Variants in UMODL1 observed in about 807,000 individuals in gnomAD.
The protein encoded by UMODL1 is uromodulin-like 1.
A neutral mutation model predicts 136.3 loss-of-function variants in UMODL1; 128 were observed. The ratio of observed to expected loss-of-function variants is 0.94; its 90% confidence interval spans 0.81 to 1.09. The LOEUF is 1.09. UMODL1 is among the 50% of genes least tolerant of loss of function. UMODL1 has a pLI of 0.00. For synonymous variants in UMODL1, 721 were observed against 720.0 expected (o/e 1.00, Z -0.02); for missense variants, 1,766 against 1,725.6 (o/e 1.02, Z -0.41).
At chr21:42,120,782 G>A (rs1223436720) in intron 15 of UMODL1, 12 of 256,240 alleles carry the variant, frequency 4.7e-5, no homozygotes, top group Non-Finnish European at 1.5e-5. Context: ...GGTGGATCTG[G>A]GGGCCTGTGC....
Position 42,113,592 on chromosome 21 carries a change from G to C in UMODL1, c.2124G>C (p.Arg708Ser), listed in dbSNP as rs2066864707. 6.2e-7 allele frequency: 1 copy of C among 1,613,708 alleles called. No individual in the cohort carries two copies. The highest frequency in any genetic ancestry group is 8.5e-7 in the Non-Finnish European group (1 of 1,179,856). ...TPACVPVSIGRIMVSNVTSTG... is the reference protein window; with the variant it reads ...TPACVPVSIGSIMVSNVTSTG... Reference sequence around the variant, plus strand: ...TCCCAGTTCCTGTCTCCATTGGGAGGATCATGGTCTCCAATGTGACCAGCA... The same window carrying C: ...TCCCAGTTCCTGTCTCCATTGGGAGCATCATGGTCTCCAATGTGACCAGCA... The change falls in exon 13 of 23, where the codon AGG (arginine) becomes AGC (serine). Residue 708 changes from arginine (R) to serine (S), a missense_variant. By Grantham distance (110) the Arg-to-Ser change is moderately radical. Transcript: ENST00000408910.
chr21:42,114,259 C>G (rs1003331626), intron 13 of UMODL1, among the ~76,000 whole-genome samples: 3 of 152,220 alleles, frequency 2.0e-5, no homozygotes, highest in African/African-American at 7.2e-5. Context: ...CTGTGAGCAG[C>G]CTGCCAGAGC....
In UMODL1 at chr21:42,076,240, T is replaced by G. The variant is rs777024002; in HGVS notation, c.312T>G (p.Cys104Trp). 8.1e-6 allele frequency: 13 copies of G among 1,613,990 alleles called. No homozygotes were observed. Residue 104 changes from cysteine (C) to tryptophan (W), a missense_variant, in exon 2 of 23, where the codon TGT becomes TGG. Cys to Trp is a radical substitution (Grantham distance 215). Transcript: ENST00000408910. ...CEGYEQLGLY[C>W]VLPLNQSGQF... ...GCTATGAACAGCTCGGCCTCTACTG[T>G]GTCTTGCGTGAGTCCAGGGCTGCTG...
At chr21:42,108,968 A>G (rs35171037) in intron 9 of UMODL1, among the ~76,000 whole-genome samples, 19,787 of 82,730 alleles carry the variant, frequency 0.24, 3,961 homozygotes, top group African/African-American at 0.32. Flanking sequence ...CACTCCTGGC[A>G]TGTAAAGCTG....
chr21:42,070,878 T>A (rs220272), upstream of UMODL1, among the ~76,000 whole-genome samples: 127,253 of 152,224 alleles, frequency 0.84, 53,326 homozygotes, highest in Admixed American at 0.9. Context: ...AACGTGATGT[T>A]CCACTTTGAT....
At chr21:42,091,379 C>T (rs565280762) in intron 6 of UMODL1, among the ~76,000 whole-genome samples, 49 of 152,200 alleles carry the variant, frequency 3.2e-4, no homozygotes, top group Non-Finnish European at 4.6e-4. Flanking sequence ...TGTAGATAAA[C>T]GTGCCCAGGT....
intron 5 of UMODL1, among the ~76,000 whole-genome samples, chr21:42,089,929 T>C (rs1025070281): frequency 1.3e-5 from 2 of 152,222 alleles, no homozygotes; most frequent in Non-Finnish European, 2.9e-5. Flanking sequence ...CTGGGTTTCC[T>C]TGTTGGCGCA....
At position 42,123,324 on chromosome 21, in the gene UMODL1, C is replaced by T. The variant is rs894792913; in HGVS notation, c.3147+174C>T. On this transcript the variant is annotated intron_variant, in intron 17 of 22. Coordinates refer to ENST00000408910, the MANE Select transcript of UMODL1 (RefSeq NM_001004416.3). The surrounding 1 kb of genome is among the most constrained non-coding windows in gnomAD (Gnocchi z 4.4). ...CAGGGACCAGCCTGCACCCCAGAAT[C>T]GGAAGGGAGCTGTGAGTCCACCCAG... 4.6e-5 allele frequency among the ~76,000 whole-genome samples: 7 copies of T among 152,172 alleles called. No homozygotes were observed. The highest frequency in any genetic ancestry group is 1.3e-4 in the Admixed American group (2 of 15,280).
At position 42,122,282 on chromosome 21, in the gene UMODL1, C is replaced by T. The variant is rs1427470333; in HGVS notation, c.2828-549C>T. ...GTGGATTGGAAAGCTTTCCGGGCCCCTTGTTCTCCTAGGCATTGAAACTGA... is the reference window on the plus strand; with the variant it reads ...GTGGATTGGAAAGCTTTCCGGGCCCTTTGTTCTCCTAGGCATTGAAACTGA... On this transcript the variant is annotated intron_variant, in intron 16 of 22. Coordinates refer to ENST00000408910, the MANE Select transcript of UMODL1 (RefSeq NM_001004416.3). This position sits in a 1 kb window ranked among gnomAD's most constrained non-coding sequence, Gnocchi z 4.3. Among the ~76,000 whole-genome samples, 1 of 152,084 alleles carries T rather than the reference C, an allele frequency of 6.6e-6. No individual in the cohort carries two copies. The highest frequency in any genetic ancestry group is 1.9e-4 in the East Asian group (1 of 5,174).
chr21:42,137,869 G>A (rs1444810855), intron 22 of UMODL1, among the ~76,000 whole-genome samples: 1 of 152,104 alleles, frequency 6.6e-6, no homozygotes, highest in African/African-American at 2.4e-5. Context: ...TGATGGGGAC[G>A]GCCAGCAGGA....
At chr21:42,111,186 AG>A (rs769970152) in intron 11 of UMODL1, 65 bp downstream of exon 11, 1 of 1,551,028 alleles carries the variant, frequency 6.4e-7, no homozygotes, top group South Asian at 1.2e-5. Flanking sequence ...AACCCCAGCC[AG>A]GGGAGCCCCA....
intron 2 of UMODL1, among the ~76,000 whole-genome samples, chr21:42,077,027 GTGTGTGT>G (rs2066301784): frequency 7.9e-6 from 1 of 126,752 alleles, no homozygotes; most frequent in Admixed American, 7.2e-5. Flanking sequence ...GTGTGTGTGT[GTGTGTGT>G]GTGTGTGTGT....
Position 42,122,716 on chromosome 21 carries a change from C to T in UMODL1, c.2828-115C>T. 2.8e-6 allele frequency: 3 copies of T among 1,055,990 alleles called. No homozygotes were observed. Among genetic ancestry groups the T allele is most frequent in the Non-Finnish European group, 4.0e-6 (3 of 750,098 alleles). The allele number at this position is 1,055,990 out of a possible 1,614,324, so 65.4% of individuals were successfully genotyped here. ...AGTTGTGGCTGGAACATGCGGTTCCCAGGTGTGGCTGCTGCAGAGTGCAGG... is the reference window on the plus strand; with the variant it reads ...AGTTGTGGCTGGAACATGCGGTTCCTAGGTGTGGCTGCTGCAGAGTGCAGG... On this transcript the variant is annotated intron_variant, in intron 16 of 22. Transcript: ENST00000408910. This position sits in a 1 kb window ranked among gnomAD's most constrained non-coding sequence, Gnocchi z 4.3.
rs373482354 is a variant in UMODL1 at position 42,137,640 on chromosome 21, A to G, written c.*20A>G. 9.0e-7 allele frequency: 1 copy of G among 1,115,424 alleles called. No homozygotes were observed. Among genetic ancestry groups the G allele is most frequent in the Non-Finnish European group, 1.2e-6 (1 of 842,046 alleles). The allele number at this position is 1,115,424 out of a possible 1,614,324, so 69.1% of individuals were successfully genotyped here. A position where few individuals can be genotyped will look rare whatever the true frequency, so the allele number is the denominator to read the frequency against. On this transcript the variant is annotated splice_region_variant and 3_prime_UTR_variant, in exon 22 of 23. Transcript: ENST00000408910. ...GAATAGGAGGCGCAGGCTGACAGGAAGGTGGGTGCGGAGTGGGGTGGGAGG... is the reference window on the plus strand; with the variant it reads ...GAATAGGAGGCGCAGGCTGACAGGAGGGTGGGTGCGGAGTGGGGTGGGAGG...
chr21:42,119,076 G>A (rs373591471), intron 14 of UMODL1, 35 bp from the exon 15 acceptor site: 21 of 1,600,502 alleles, frequency 1.3e-5, no homozygotes, highest in African/African-American at 1.1e-4. Context: ...TCCTCTCAGC[G>A]TGGGGACCTC....
chr21:42,122,576 CGTGTGTG>C lies in UMODL1; in HGVS notation c.2828-254_2828-248del, dbSNP rs2066987126. Among the ~76,000 whole-genome samples the C allele has an allele frequency of 4.0e-5, 6 of 150,396 alleles. No individual in the cohort carries two copies. The highest frequency in any genetic ancestry group is 4.0e-4 in the Admixed American group (6 of 15,160). ...GTGTGTGTCTGCACGTGTGTGCGTG[CGTGTGTG>C]CATGTGTGTGCATGTGTGTGCATCT... On this transcript the variant is annotated intron_variant, in intron 16 of 22. Coordinates refer to ENST00000408910, the MANE Select transcript of UMODL1 (RefSeq NM_001004416.3). The surrounding 1 kb of genome is among the most constrained non-coding windows in gnomAD (Gnocchi z 4.3).
intron 2 of UMODL1, 47 bp from the exon 3 acceptor site, chr21:42,084,037 G>C: frequency 6.3e-7 from 1 of 1,598,354 alleles, no homozygotes; most frequent in Non-Finnish European, 8.6e-7. Flanking sequence ...AGCAAATCAG[G>C]TTTGTCTTTT....
intron 9 of UMODL1, among the ~76,000 whole-genome samples, chr21:42,107,399 G>A (rs2066736512): frequency 6.6e-6 from 1 of 152,160 alleles, no homozygotes; most frequent in Non-Finnish European, 1.5e-5. Context: ...CTTCCAGTTT[G>A]CTGCCTGCTC....
intron 22 of UMODL1, among the ~76,000 whole-genome samples, chr21:42,141,427 C>A (rs1432688907): frequency 6.6e-6 from 1 of 152,200 alleles, no homozygotes; most frequent in African/African-American, 2.4e-5. Context: ...AGTCACCTCC[C>A]TAGATAGAGT....
Sources: allele counts gnomAD v4.1 joint callset (sites outside exome capture counted in the v4.1 genomes callset), GRCh38; gene constraint gnomAD v4.1.1; non-coding constraint Gnocchi (gnomAD v3.1); transcripts MANE v1.5; gene names NCBI Gene and HGNC (gene_info 2026-07-23, HGNC 2026-07-21).